RIMS2: variants seen among roughly 807,000 people sequenced by gnomAD.
RIMS2 encodes regulating synaptic membrane exocytosis protein 2.
In RIMS2, 59 loss-of-function variants were observed where a neutral mutation model predicts 174.4. That is an observed-to-expected ratio of 0.34 (90% CI 0.27 to 0.42). RIMS2 has a LOEUF of 0.42. Ranked by LOEUF, RIMS2 falls within the 10% of genes least tolerant of loss-of-function variation. The probability of loss-of-function intolerance (pLI) is 1.00; values close to 1 mark genes in which losing one functional copy is unlikely to be tolerated. For missense variants in RIMS2, 1,620 were observed against 1,666.3 expected (o/e 0.97, Z 0.48); for synonymous variants, 606 against 572.5 (o/e 1.06, Z -0.84).
At chr8:104,162,111 A>G (rs1254792039) in intron 19 of RIMS2, among the ~76,000 whole-genome samples, 1 of 152,224 alleles carries the variant, frequency 6.6e-6, no homozygotes, top group Non-Finnish European at 1.5e-5. Flanking sequence ...TTTGCTATGT[A>G]ATGTGGCATA....
chr8:104,056,007 T>A (rs1043283462), intron 19 of RIMS2, among the ~76,000 whole-genome samples: 1 of 152,182 alleles, frequency 6.6e-6, no homozygotes, highest in African/African-American at 2.4e-5. Context: ...ATGAATGCAG[T>A]ACCAGGACAA....
chr8:103,589,135 A>G (rs2094124538), intron 1 of RIMS2, among the ~76,000 whole-genome samples: 1 of 151,690 alleles, frequency 6.6e-6, no homozygotes, highest in Non-Finnish European at 1.5e-5. Flanking sequence ...ATATCACATA[A>G]TCTTATATTT....
chr8:104,054,100 A>G (rs62528364), intron 19 of RIMS2, among the ~76,000 whole-genome samples: 38,527 of 151,874 alleles, frequency 0.25, 5,295 homozygotes, highest in African/African-American at 0.35. Flanking sequence ...AAAAATAAAA[A>G]CTCGGTCCAG....
chr8:103,568,454 A>C (rs1305787948), intron 1 of RIMS2: 1 of 208,548 alleles, frequency 4.8e-6, no homozygotes, highest in Non-Finnish European at 9.8e-6. Flanking sequence ...ATGTTTCTGT[A>C]ACTGTTGGTA....
intron 17 of RIMS2, 39 bp downstream of exon 19, chr8:103,989,460 A>G (rs567877020): frequency 9.6e-7 from 1 of 1,042,838 alleles, no homozygotes; most frequent in South Asian, 1.4e-5. Flanking sequence ...TATTATTAAT[A>G]TAATCACTGC....
At chr8:103,566,381 T>A (rs13272442) in intron 1 of RIMS2, among the ~76,000 whole-genome samples, 1 of 152,000 alleles carries the variant, frequency 6.6e-6, no homozygotes, top group African/African-American at 2.4e-5. Flanking sequence ...CTCAGTTGTT[T>A]CAGGGAGATG....
chr8:104,220,296 G>C (rs1207222688), intron 19 of RIMS2, among the ~76,000 whole-genome samples: 1 of 151,278 alleles, frequency 6.6e-6, no homozygotes, highest in African/African-American at 2.4e-5. Context: ...TATCAAAAAA[G>C]CTTCCCAGGA....
intron 19 of RIMS2, among the ~76,000 whole-genome samples, chr8:104,111,498 C>T (rs2098182787): frequency 6.6e-6 from 1 of 152,188 alleles, no homozygotes; most frequent in Non-Finnish European, 1.5e-5. Context: ...ACCTCTGCCT[C>T]ACAGGTTCAA....
chr8:103,760,389 A>G (rs956545515), intron 2 of RIMS2, among the ~76,000 whole-genome samples: 9 of 152,240 alleles, frequency 5.9e-5, no homozygotes, highest in Admixed American at 3.9e-4. Flanking sequence ...CTTAGTATTT[A>G]CAGATGACAG....
chr8:103,738,611 G>A (rs1465620569), intron 2 of RIMS2, among the ~76,000 whole-genome samples: 2 of 152,058 alleles, frequency 1.3e-5, no homozygotes, highest in African/African-American at 4.8e-5. Context: ...CAGAATGGGA[G>A]AAAATTTTTG....
intron 19 of RIMS2, among the ~76,000 whole-genome samples, chr8:104,138,913 A>G (rs1013198564): frequency 1.3e-5 from 2 of 152,122 alleles, no homozygotes; most frequent in African/African-American, 2.4e-5. Context: ...TTAAATTTAA[A>G]TATTTAATCA....
intron 2 of RIMS2, among the ~76,000 whole-genome samples, chr8:103,704,133 C>T (rs569742860): frequency 6.7e-6 from 1 of 148,908 alleles, no homozygotes; most frequent in Non-Finnish European, 1.5e-5. Context: ...TCAAATATGG[C>T]CTTTTTTATT....
chr8:104,139,436 T>C (rs1296211904), intron 19 of RIMS2, among the ~76,000 whole-genome samples: 5 of 152,302 alleles, frequency 3.3e-5, no homozygotes, highest in Non-Finnish European at 4.4e-5. Context: ...CTTCAATTTC[T>C]CCTGTCAGTG....
At chr8:103,919,276 T>A (rs915831282) in intron 9 of RIMS2, among the ~76,000 whole-genome samples, 1 of 152,034 alleles carries the variant, frequency 6.6e-6, no homozygotes, top group Non-Finnish European at 1.5e-5. Flanking sequence ...AGGTACAGGA[T>A]AGGTGGATGC....
intron 1 of RIMS2, among the ~76,000 whole-genome samples, chr8:103,538,156 T>G (rs1052137445): frequency 9.9e-5 from 15 of 152,262 alleles, no homozygotes; most frequent in African/African-American, 3.6e-4. Context: ...TTTGACCTAT[T>G]TGATAGAAAC....
intron 1 of RIMS2, among the ~76,000 whole-genome samples, chr8:103,671,299 C>A (rs1047676263): frequency 6.6e-6 from 1 of 152,088 alleles, no homozygotes; most frequent in African/African-American, 2.4e-5. Flanking sequence ...ACAGCCAAAC[C>A]ATATCACATT....
At chr8:103,691,153 A>AAT (rs2097019072) in intron 1 of RIMS2, among the ~76,000 whole-genome samples, 1 of 152,128 alleles carries the variant, frequency 6.6e-6, no homozygotes, top group African/African-American at 2.4e-5. Flanking sequence ...TTTGATTATT[A>AAT]AATGCCTTGA....
At chr8:103,569,299 C>T (rs146241646) in intron 1 of RIMS2, among the ~76,000 whole-genome samples, 2 of 152,190 alleles carry the variant, frequency 1.3e-5, no homozygotes, top group African/African-American at 2.4e-5. Context: ...TATTCTTTCT[C>T]TACTGAATAG....
At chr8:103,920,715 C>G (rs535547371) in intron 9 of RIMS2, 16 of 456,748 alleles carry the variant, frequency 3.5e-5, no homozygotes, top group Non-Finnish European at 7.0e-5. Context: ...CCTGGCCTAG[C>G]GTGGTGGCTC....
Sources: gnomAD v4.1 joint callset for allele counts (sites outside exome capture counted in the v4.1 genomes callset) on GRCh38, gnomAD v4.1.1 for gene constraint, MANE v1.5 for transcripts, NCBI Gene and HGNC (gene_info 2026-07-23, HGNC 2026-07-21) for gene names.